The following CTNND2 variants were observed in gnomAD, a reference collection of about 807,000 sequenced individuals.
CTNND2 encodes the protein catenin delta-2.
Under a neutral mutation model 144.4 loss-of-function variants are expected in CTNND2, and 22 were observed. The observed-to-expected ratio is 0.15, with a 90% CI of 0.11 to 0.22. The LOEUF (loss-of-function observed/expected upper bound fraction) is 0.22, where lower values mean the gene tolerates loss of function less well. Ranked by LOEUF, CTNND2 falls within the 10% of genes least tolerant of loss-of-function variation. The pLI, the probability that CTNND2 is intolerant of heterozygous loss-of-function variation, is 1.00. For missense variants in CTNND2, 1,353 were observed against 1,618.8 expected, an observed-to-expected ratio of 0.84 and a Z score of 2.82; for synonymous variants, 751 against 695.6, an observed-to-expected ratio of 1.08 and a Z score of -1.25.
chr5:11,164,839 T>C (rs1759145191), intron 11 of CTNND2, among the ~76,000 whole-genome samples: 1 of 152,244 alleles, frequency 6.6e-6, no homozygotes, highest in South Asian at 2.1e-4. Context: ...TAACTCATTC[T>C]GTCATTTGAT....
At chr5:11,136,125 C>T (rs1476442153) in intron 12 of CTNND2, among the ~76,000 whole-genome samples, 1 of 152,124 alleles carries the variant, frequency 6.6e-6, no homozygotes, top group Non-Finnish European at 1.5e-5. Flanking sequence ...CAGAAAGCAG[C>T]CCTCAGCAGA....
At chr5:11,110,207 C>A (rs1226447958) in intron 14 of CTNND2, among the ~76,000 whole-genome samples, 1 of 152,074 alleles carries the variant, frequency 6.6e-6, no homozygotes, top group Non-Finnish European at 1.5e-5. Flanking sequence ...TGCCTAGCGG[C>A]CTTCGTTTTG....
chr5:11,784,975 A>G (rs1435766893), intron 1 of CTNND2, among the ~76,000 whole-genome samples: 2 of 152,242 alleles, frequency 1.3e-5, no homozygotes, highest in East Asian at 1.9e-4. Context: ...TTTGTTATGC[A>G]GCAACAAATA....
chr5:11,071,455 G>A (rs10079860), intron 16 of CTNND2, among the ~76,000 whole-genome samples: 11,250 of 152,138 alleles, frequency 0.074, 742 homozygotes, highest in African/African-American at 0.17. Context: ...CATGAGAATC[G>A]TTTGAACCTC....
intron 2 of CTNND2, among the ~76,000 whole-genome samples, chr5:11,686,511 GT>G (rs1784650858): frequency 6.6e-6 from 1 of 151,018 alleles, no homozygotes; most frequent in Non-Finnish European, 1.5e-5. Context: ...AATTATATTT[GT>G]TTTTTATATT....
At chr5:11,317,770 G>T (rs1176656317) in intron 9 of CTNND2, among the ~76,000 whole-genome samples, 1 of 152,100 alleles carries the variant, frequency 6.6e-6, no homozygotes, top group Non-Finnish European at 1.5e-5. Context: ...CCACAGACAG[G>T]ATTCTCTCAT....
chr5:11,658,857 T>C (rs1275974148), intron 2 of CTNND2, among the ~76,000 whole-genome samples: 1 of 152,226 alleles, frequency 6.6e-6, no homozygotes, highest in Non-Finnish European at 1.5e-5. Flanking sequence ...CATAGTTTTA[T>C]CTAATAACAC....
At chr5:11,046,784 C>T (rs1745306494) in intron 16 of CTNND2, among the ~76,000 whole-genome samples, 1 of 152,168 alleles carries the variant, frequency 6.6e-6, no homozygotes, top group Non-Finnish European at 1.5e-5. Context: ...CTGCCATCAT[C>T]ACTGTCACTA....
At chr5:11,555,097 A>G (rs1488709173) in intron 3 of CTNND2, among the ~76,000 whole-genome samples, 1 of 152,220 alleles carries the variant, frequency 6.6e-6, no homozygotes, top group Non-Finnish European at 1.5e-5. Flanking sequence ...CTGTATGTTC[A>G]TTCGTCTGTT....
intron 3 of CTNND2, among the ~76,000 whole-genome samples, chr5:11,529,209 T>G (rs1440790979): frequency 1.3e-5 from 2 of 152,170 alleles, no homozygotes; most frequent in Non-Finnish European, 2.9e-5. Context: ...TGCCTCCTAC[T>G]TAGCATAATG....
intron 18 of CTNND2, among the ~76,000 whole-genome samples, chr5:11,007,612 T>A (rs182068509): frequency 6.6e-6 from 1 of 152,288 alleles, no homozygotes; most frequent in Non-Finnish European, 1.5e-5. Flanking sequence ...CGTACAGTTC[T>A]CTTTCCATCG....
At chr5:11,563,422 C>G (rs1581506070) in intron 3 of CTNND2, among the ~76,000 whole-genome samples, 1 of 152,108 alleles carries the variant, frequency 6.6e-6, no homozygotes, top group South Asian at 2.1e-4. Flanking sequence ...TGGAGTAAAG[C>G]AAAAATACAC....
At chr5:11,219,475 A>G (rs1234612629) in intron 10 of CTNND2, among the ~76,000 whole-genome samples, 3 of 152,212 alleles carry the variant, frequency 2.0e-5, no homozygotes, top group African/African-American at 7.2e-5. Flanking sequence ...TACTTCTATG[A>G]TAGGCTGAGT....
chr5:11,027,200 G>C (rs143341999), intron 16 of CTNND2: 1 of 152,192 alleles, frequency 6.6e-6, no homozygotes, highest in African/African-American at 2.4e-5. Context: ...GGAAATCATG[G>C]TGCTCGCTTC....
At chr5:11,257,526 G>A (rs1298228824) in intron 9 of CTNND2, among the ~76,000 whole-genome samples, 1 of 152,192 alleles carries the variant, frequency 6.6e-6, no homozygotes, top group African/African-American at 2.4e-5. Flanking sequence ...GAGAGAATAA[G>A]TGCCAGCAGG....
intron 3 of CTNND2, among the ~76,000 whole-genome samples, chr5:11,492,699 C>A (rs907615103): frequency 6.6e-6 from 1 of 151,512 alleles, no homozygotes; most frequent in Admixed American, 6.6e-5. Context: ...AAAGATATAT[C>A]TATCATTAAT....
intron 2 of CTNND2, among the ~76,000 whole-genome samples, chr5:11,682,919 T>A (rs924383950): frequency 6.6e-6 from 1 of 152,046 alleles, no homozygotes; most frequent in Non-Finnish European, 1.5e-5. Flanking sequence ...GAGGAAAAGG[T>A]GGAGGAATTA....
chr5:11,078,623 GA>G (rs1158553790), intron 16 of CTNND2, among the ~76,000 whole-genome samples: 2 of 151,692 alleles, frequency 1.3e-5, no homozygotes, highest in Non-Finnish European at 1.5e-5. Flanking sequence ...TCCACCAAAA[GA>G]AAAAAAACAC....
chr5:11,055,185 T>A (rs1286755760), intron 16 of CTNND2, among the ~76,000 whole-genome samples: 1 of 152,218 alleles, frequency 6.6e-6, no homozygotes, highest in East Asian at 1.9e-4. Flanking sequence ...AGGTACTGAA[T>A]GAACCAGGCT....
Sources: gnomAD v4.1 joint callset for allele counts (sites outside exome capture counted in the v4.1 genomes callset) on GRCh38, gnomAD v4.1.1 for gene constraint, MANE v1.5 for transcripts, NCBI Gene and HGNC (gene_info 2026-07-23, HGNC 2026-07-21) for gene names.